The following SLC8A1 variants were observed in gnomAD, a reference collection of about 807,000 sequenced individuals.
SLC8A1 encodes the protein sodium/calcium exchanger 1.
A neutral mutation model predicts 68.3 loss-of-function variants in SLC8A1; 18 were observed. That is an observed-to-expected ratio of 0.26 (90% CI 0.18 to 0.39). The LOEUF is 0.39. SLC8A1 is among the 10% of genes least tolerant of loss of function. The pLI, the probability that SLC8A1 is intolerant of heterozygous loss-of-function variation, is 1.00. For missense variants in SLC8A1, 985 were observed against 1,156.7 expected (o/e 0.85, Z 2.15); for synonymous variants, 475 against 415.5 (o/e 1.14, Z -1.74).
intron 2 of SLC8A1, among the ~76,000 whole-genome samples, chr2:40,420,613 C>A (rs917841706): frequency 8.5e-5 from 13 of 152,170 alleles, no homozygotes; most frequent in African/African-American, 2.2e-4. Context: ...CATTCCCTTG[C>A]CTCTCAAACT....
chr2:40,312,195 CTTA>C (rs969445510), intron 2 of SLC8A1, among the ~76,000 whole-genome samples: 47 of 152,248 alleles, frequency 3.1e-4, no homozygotes, highest in Non-Finnish European at 3.2e-4. Flanking sequence ...ACTTGCTGAG[CTTA>C]TTGTTATCCA....
intron 2 of SLC8A1, among the ~76,000 whole-genome samples, chr2:40,260,148 C>A (rs1229446197): frequency 6.6e-6 from 1 of 152,208 alleles, no homozygotes; most frequent in Non-Finnish European, 1.5e-5. Flanking sequence ...GCTTGATTCT[C>A]TCTCCCAACA....
intron 2 of SLC8A1, among the ~76,000 whole-genome samples, chr2:40,204,014 C>A (rs2054905784): frequency 6.6e-6 from 1 of 151,994 alleles, no homozygotes; most frequent in Admixed American, 6.6e-5. Context: ...CCGTGCCCAG[C>A]TGGTGAAGGT....
At chr2:40,141,740 A>C (rs2041606620) in intron 6 of SLC8A1, among the ~76,000 whole-genome samples, 1 of 152,172 alleles carries the variant, frequency 6.6e-6, no homozygotes, top group Non-Finnish European at 1.5e-5. Context: ...TCAGAGTGTG[A>C]CCTTATTTGG....
intron 1 of SLC8A1, among the ~76,000 whole-genome samples, chr2:40,497,279 C>G (rs1319140952): frequency 6.6e-6 from 1 of 151,974 alleles, no homozygotes; most frequent in Non-Finnish European, 1.5e-5. Context: ...ATTATTTTGA[C>G]TTATTAGCTT....
At chr2:40,357,563 T>A (rs1435681867) in intron 2 of SLC8A1, among the ~76,000 whole-genome samples, 1 of 148,700 alleles carries the variant, frequency 6.7e-6, no homozygotes, top group Non-Finnish European at 1.5e-5. Flanking sequence ...GTAGAAGTAA[T>A]CTTCTCACAG....
At chr2:40,239,465 G>A (rs2060906698) in intron 2 of SLC8A1, among the ~76,000 whole-genome samples, 2 of 152,148 alleles carry the variant, frequency 1.3e-5, no homozygotes, top group South Asian at 4.1e-4. Context: ...TCAACCCATT[G>A]CATTACAGAT....
At chr2:40,419,059 C>G (rs1281998707) in intron 2 of SLC8A1, among the ~76,000 whole-genome samples, 9 of 152,214 alleles carry the variant, frequency 5.9e-5, no homozygotes, top group Admixed American at 5.9e-4. Context: ...ACTGAACATT[C>G]GTACATCCAT....
chr2:40,280,033 C>A (rs1298678623), intron 2 of SLC8A1, among the ~76,000 whole-genome samples: 1 of 152,038 alleles, frequency 6.6e-6, no homozygotes, highest in Non-Finnish European at 1.5e-5. Context: ...AAATTGCAAG[C>A]TATGGAGTAC....
At chr2:40,131,894 G>T (rs2039448094) in intron 7 of SLC8A1, among the ~76,000 whole-genome samples, 1 of 138,126 alleles carries the variant, frequency 7.2e-6, no homozygotes, top group Non-Finnish European at 1.5e-5. Context: ...TGCCAGCTGG[G>T]TCAGAACTGA....
intron 2 of SLC8A1, among the ~76,000 whole-genome samples, chr2:40,185,064 T>C (rs758424911): frequency 2.0e-5 from 3 of 152,130 alleles, no homozygotes; most frequent in Non-Finnish European, 4.4e-5. Flanking sequence ...GGAGATACCA[T>C]GTCACACCCA....
At chr2:40,178,603 A>G (rs1268308251) in intron 2 of SLC8A1, 110 bp from the exon 3 acceptor site, 3 of 861,070 alleles carry the variant, frequency 3.5e-6, no homozygotes, top group Non-Finnish European at 5.6e-6. Context: ...ACAAACAGTA[A>G]TCGAGAAACT....
chr2:40,332,660 C>G (rs912860324), intron 2 of SLC8A1, among the ~76,000 whole-genome samples: 1 of 152,084 alleles, frequency 6.6e-6, no homozygotes, highest in African/African-American at 2.4e-5. Context: ...ATCCAAAGGT[C>G]AAATATATAC....
At chr2:40,306,453 G>C (rs189744351) in intron 2 of SLC8A1, among the ~76,000 whole-genome samples, 5 of 85,156 alleles carry the variant, frequency 5.9e-5, no homozygotes, top group Admixed American at 2.3e-4. Flanking sequence ...GAATGGTTGT[G>C]GGGGGGGGCA....
rs183180713 is a variant in SLC8A1, at chr2:40,331,643, G to A, written c.1808+96830C>T. Among the ~76,000 whole-genome samples, 160 of 152,034 alleles carry A rather than the reference G, an allele frequency of 1.1e-3. No individual in the cohort carries two copies. The Middle Eastern group carries it at 0.014, about 13-fold the overall frequency. On this transcript the variant is annotated intron_variant, in intron 2 of 7. Transcript: ENST00000406785. ...GAGTCTCGCTCTGTCGCCCAGGCTA[G>A]GGTGCAATGGTGCGATCTCGGCTCA...
intron 2 of SLC8A1, among the ~76,000 whole-genome samples, chr2:40,393,710 T>C (rs2149611368): frequency 6.6e-6 from 1 of 152,274 alleles, no homozygotes; most frequent in African/African-American, 2.4e-5. Flanking sequence ...GTCATTTGAT[T>C]TGCCAAAATT....
chr2:40,332,921 A>C lies in SLC8A1; in HGVS notation c.1808+95552T>G, dbSNP rs1334490898. ...TAAAAGATGCCCTCTGGACCTCCTA[A>C]GGTTTTTCATAGGAAAAGTAAATTA... On this transcript the variant is annotated intron_variant, in intron 2 of 7. Transcript: ENST00000406785. Among the ~76,000 whole-genome samples the C allele has an allele frequency of 2.0e-5, 3 of 152,206 alleles. No homozygotes were observed. In the East Asian group the frequency reaches 5.8e-4, roughly 29 times the overall value.
rs756917419 is a variant in SLC8A1 at position 40,139,572 on chromosome 2, C to T, written c.2266G>A (p.Val756Ile). The T allele has an allele frequency of 2.7e-5, 43 of 1,613,920 alleles. No homozygotes were observed. The highest frequency in any genetic ancestry group is 3.4e-5 in the Non-Finnish European group (40 of 1,180,014). The stretch of plus-strand genomic sequence containing the variant: ...CCATTCCAGTATTCAGTAGGGGGGA[C>T]GAAGGCAAACAGGACCTTCCAGAAC... The change falls in exon 7 of 8, where the codon GTC (valine) becomes ATC (isoleucine). Residue 756 changes from valine (V) to isoleucine (I), a missense_variant. By Grantham distance (29) the Val-to-Ile change is conservative. Around this residue, in one of 5 missense-constraint regions of SLC8A1, gnomAD observed 144 missense variants for 260.4 expected, o/e 0.55. Transcript: ENST00000406785.
intron 2 of SLC8A1, among the ~76,000 whole-genome samples, chr2:40,237,606 A>G (rs373628502): frequency 5.4e-4 from 82 of 151,814 alleles, no homozygotes; most frequent in African/African-American, 1.3e-3. Context: ...CTCTCAGCTC[A>G]TCAAAGTCAT....
Sources: gnomAD v4.1 joint callset for allele counts (sites outside exome capture counted in the v4.1 genomes callset) on GRCh38, gnomAD v4.1.1 for gene constraint, gnomAD v4.1.1 regional missense constraint, MANE v1.5 for transcripts, NCBI Gene and HGNC (gene_info 2026-07-23, HGNC 2026-07-21) for gene names.